CD320: variants seen among roughly 807,000 people sequenced by gnomAD.
The protein encoded by CD320 is CD320 antigen.
Under a neutral mutation model 22.1 loss-of-function variants are expected in CD320, and 16 were observed. That is an observed-to-expected ratio of 0.73 (90% CI 0.49 to 1.10). CD320 has a LOEUF of 1.10. CD320 is among the 50% of genes least tolerant of loss of function. CD320 has a pLI of 0.00. For synonymous variants in CD320, 188 were observed against 167.8 expected (o/e 1.12, Z -0.93); for missense variants, 388 against 376.9 (o/e 1.03, Z -0.24).
chr19:8,308,275 T>A lies in CD320; in HGVS notation c.16A>T (p.Met6Leu). ...GTTCGCCACGCTCCAACCTGCGCCA[T>A]CCAACCGCCGCTCATGCTGTCCCCA... is the stretch of plus-strand genomic sequence containing the variant. MSGGW[M>L]AQVGAWRTGA... Residue 6 changes from methionine to leucine, a missense_variant, in exon 1 of 5, where the codon ATG (methionine) becomes TTG (leucine). Met to Leu is a conservative substitution (Grantham distance 15). Transcript: ENST00000301458. The A allele has an allele frequency of 3.2e-6, 5 of 1,583,212 alleles. 1 individual carries two copies. Among genetic ancestry groups the A allele is most frequent in the Non-Finnish European group, 4.3e-6 (5 of 1,170,438 alleles).
In CD320 at chr19:8,302,392, A is replaced by T. The variant is rs1158014765; in HGVS notation, c.*71T>A. 5.6e-6 allele frequency: 9 copies of T among 1,594,150 alleles called. No homozygotes were observed. Among genetic ancestry groups the T allele is most frequent in the Non-Finnish European group, 7.7e-6 (9 of 1,163,398 alleles). ...TGAGGGCTGGTGTGCCCGGGTACCC[A>T]TCCGCATCACTGCTCTCCTCCTGTC... On this transcript the variant is annotated 3_prime_UTR_variant, in exon 5 of 5. Transcript: ENST00000301458.
Position 8,302,890 on chromosome 19 carries a change from G to A in CD320, c.593C>T (p.Thr198Ile), listed in dbSNP as rs1216976060. The part of the protein sequence containing the change: ...ESVTSLRNAT[T>I]MGPPVTLESV... ...CTCCAGGGTCACAGGGGGCCCCATG[G>A]TTGTGGCATTCCTGAGAGAGGTGAC... The change falls in exon 4 of 5, where the codon ACC (threonine) becomes ATC (isoleucine). Residue 198 changes from threonine (T) to isoleucine (I), a missense_variant. Transcript: ENST00000301458. 1.2e-6 allele frequency: 2 copies of A among 1,613,960 alleles called. No homozygotes were observed. Among genetic ancestry groups the A allele is most frequent in the African/African-American group, 1.3e-5 (1 of 74,912 alleles).
rs1270516786 is a variant in CD320, at chr19:8,305,065, C to G, written c.234G>C (p.Leu78Phe). 6.2e-7 allele frequency: 1 copy of G among 1,611,784 alleles called. No individual in the cohort carries two copies. The highest frequency in any genetic ancestry group is 1.3e-5 in the African/African-American group (1 of 75,062). The change falls in exon 2 of 5, where the codon TTG (leucine) becomes TTC (phenylalanine). Residue 78 changes from leucine to phenylalanine, a missense_variant. Transcript: ENST00000301458. ...CCTCATCGCTGCCATCGCTGCAGTC[C>G]AAGTCCCTGTCGCAGCGCCAGGTGA... ...VPLTWRCDRDLDCSDGSDEEE... is the reference protein window; with the variant it reads ...VPLTWRCDRDFDCSDGSDEEE...
chr19:8,302,451 AAGT>A lies in CD320; in HGVS notation c.*9_*11del, dbSNP rs775653778. 7.9e-5 allele frequency: 127 copies of A among 1,614,044 alleles called. 5 individuals carry two copies. The South Asian group carries it at 1.3e-3, about 16-fold the overall frequency. ...CCCAGGGCTGAGTGACGGTGGTGGC[AAGT>A]GCTTGTCCTCAGGGCAGCGAGGTCT... On this transcript the variant is annotated 3_prime_UTR_variant, in exon 5 of 5. Transcript: ENST00000301458.
At chr19:8,304,688 C>CTTTTTTTT (rs3076801) in intron 2 of CD320, 6 of 207,910 alleles carry the variant, frequency 2.9e-5, no homozygotes, top group South Asian at 7.3e-5. Context: ...TTTCATTTTT[C>CTTTTTTTT]TTTTTTTTTT....
chr19:8,308,152 C>T lies in CD320; in HGVS notation c.139G>A (p.Ala47Thr), dbSNP rs752406137. 2.6e-6 allele frequency: 4 copies of T among 1,529,818 alleles called. No homozygotes were observed. The African/African-American group carries it at 4.3e-5, about 16-fold the overall frequency. 94.8% of individuals were successfully genotyped at this position (1,529,818 alleles called of 1,614,324 possible). A position where few individuals can be genotyped will look rare whatever the true frequency, so the allele number is the denominator to read the frequency against. Residue 47 changes from alanine to threonine, a missense_variant, in exon 1 of 5, where the codon GCA (alanine) becomes ACA (threonine). Coordinates refer to ENST00000301458, the MANE Select transcript of CD320 (RefSeq NM_016579.4). ...PLSTPTSAQAAGPSSGSCPPT... is the reference protein window; with the variant it reads ...PLSTPTSAQATGPSSGSCPPT... ...CGCGCTGCGGGGCGTCACTCACCTG[C>T]GGCCTGGGCAGAGGTCGGGGTGGAA...
intron 1 of CD320, 81 bp from the exon 2 acceptor site, chr19:8,305,237 C>T (rs1568558046): frequency 6.6e-7 from 1 of 1,506,040 alleles, no homozygotes; most frequent in Non-Finnish European, 8.9e-7. Flanking sequence ...TGGCTGTGAT[C>T]CGCAGGAGAC....
intron 2 of CD320, 115 bp downstream of exon 2, chr19:8,304,916 C>T: frequency 1.6e-6 from 2 of 1,281,332 alleles, no homozygotes; most frequent in Non-Finnish European, 2.2e-6. Flanking sequence ...CCAAGTCGCA[C>T]CCATCCCTGC....
chr19:8,307,089 C>T (rs989969622), intron 1 of CD320, among the ~76,000 whole-genome samples: 3 of 151,956 alleles, frequency 2.0e-5, no homozygotes, highest in African/African-American at 4.8e-5. Flanking sequence ...GTCAGGAGTT[C>T]GAGACCAGTC....
At chr19:8,305,003 A>G (rs988214507) in intron 2 of CD320, 28 bp downstream of exon 2, 1 of 1,600,258 alleles carries the variant, frequency 6.2e-7, no homozygotes, top group Admixed American at 1.7e-5. Context: ...GCCCCCTGTA[A>G]GCCCCGCCAA....
At chr19:8,304,688 C>CTTTTTTTTTTT (rs3076801) in intron 2 of CD320, 38 of 207,892 alleles carry the variant, frequency 1.8e-4, no homozygotes, top group South Asian at 3.6e-4. Flanking sequence ...TTTCATTTTT[C>CTTTTTTTTTTT]TTTTTTTTTT....
intron 3 of CD320, 91 bp from the exon 4 acceptor site, chr19:8,303,071 T>C: frequency 1.1e-6 from 1 of 951,288 alleles, no homozygotes; most frequent in Non-Finnish European, 1.6e-6. Context: ...GGGTTTATCC[T>C]CAACCAACCA....
intron 1 of CD320, among the ~76,000 whole-genome samples, chr19:8,307,055 G>T (rs1440675617): frequency 6.9e-6 from 1 of 144,348 alleles, no homozygotes; most frequent in Non-Finnish European, 1.5e-5. Flanking sequence ...ACTTTGGGAG[G>T]CTGAGGCGGA....
chr19:8,302,204 CT>C lies in CD320; in HGVS notation c.*258del, dbSNP rs1203263947. Reference sequence around the variant, plus strand: ...CTTAAGCACAGGGCCGTTCTACCCCCTGGGAGCTGCCTGGGGCCAGCCCCTC... The same window carrying C: ...CTTAAGCACAGGGCCGTTCTACCCCCGGGAGCTGCCTGGGGCCAGCCCCTC... On this transcript the variant is annotated 3_prime_UTR_variant, in exon 5 of 5. Coordinates refer to ENST00000301458, the MANE Select transcript of CD320 (RefSeq NM_016579.4). 1 of 663,506 alleles carries C rather than the reference CT, an allele frequency of 1.5e-6. No homozygotes were observed. Among genetic ancestry groups the C allele is most frequent in the Non-Finnish European group, 2.8e-6 (1 of 360,264 alleles). The allele number at this position is 663,506 out of a possible 1,614,324, so 41.1% of individuals were successfully genotyped here.
At position 8,302,295 on chromosome 19, in the gene CD320, C is replaced by G. The variant is rs572292497; in HGVS notation, c.*168G>C. 1 of 839,220 alleles carries G rather than the reference C, an allele frequency of 1.2e-6. No homozygotes were observed. The highest frequency in any genetic ancestry group is 1.7e-5 in the African/African-American group (1 of 60,076). The allele number at this position is 839,220 out of a possible 1,614,324, so 52.0% of individuals were successfully genotyped here. On this transcript the variant is annotated 3_prime_UTR_variant, in exon 5 of 5. Transcript: ENST00000301458. ...ATCTCCATAGGGAGTGTCCAGGGACCCTCAATCTCCAGGGCCACTTCTGCA... is the reference window on the plus strand; with the variant it reads ...ATCTCCATAGGGAGTGTCCAGGGACGCTCAATCTCCAGGGCCACTTCTGCA...
At chr19:8,304,623 G>A in intron 2 of CD320, 1 of 258,752 alleles carries the variant, frequency 3.9e-6, no homozygotes. Flanking sequence ...GATTACATGT[G>A]TGAGCCACCG....
Position 8,305,024 on chromosome 19 carries a change from C to A in CD320, c.268+7G>T, listed in dbSNP as rs373234844. The A allele has an allele frequency of 4.4e-6, 7 of 1,605,040 alleles. No homozygotes were observed. The African/African-American group carries it at 9.3e-5, about 21-fold the overall frequency. The stretch of plus-strand genomic sequence containing the variant: ...TGTAAGCCCCGCCAAGGGGCGTGGC[C>A]ACTCACTGCACTCCTCCTCATCGCT... On this transcript the variant is annotated splice_region_variant and intron_variant, in intron 2 of 4. Coordinates refer to ENST00000301458, the MANE Select transcript of CD320 (RefSeq NM_016579.4).
At chr19:8,303,096 G>GGCT in intron 3 of CD320, 116 bp from the exon 4 acceptor site, 1 of 537,076 alleles carries the variant, frequency 1.9e-6, no homozygotes, top group Non-Finnish European at 3.2e-6. Flanking sequence ...GGGTGAAGCT[G>GGCT]ACTGCCCGTA....
chr19:8,303,695 G>GTGAGCCA lies in CD320; in HGVS notation c.502+153_502+159dup, dbSNP rs375896087. Among the ~76,000 whole-genome samples the GTGAGCCA allele has an allele frequency of 5.0e-3, 767 of 152,312 alleles. 5 individuals carry two copies. Among genetic ancestry groups the GTGAGCCA allele is most frequent in the African/African-American group, 0.017 (723 of 41,562 alleles). ...CTCCCAAAGTGCTGGGATTACAGGCGTGAGCCACCGGGCCCGGCCCCTAAT... is the reference window on the plus strand; with the variant it reads ...CTCCCAAAGTGCTGGGATTACAGGCGTGAGCCATGAGCCACCGGGCCCGGCCCCTAAT... On this transcript the variant is annotated intron_variant, in intron 3 of 4. Transcript: ENST00000301458.
Sources: gnomAD v4.1 joint callset for allele counts (sites outside exome capture counted in the v4.1 genomes callset) on GRCh38, gnomAD v4.1.1 for gene constraint, MANE v1.5 for transcripts, NCBI Gene and HGNC (gene_info 2026-07-23, HGNC 2026-07-21) for gene names.